Variants in SEZ6L observed in about 807,000 individuals in gnomAD.
The protein encoded by SEZ6L is seizure 6-like protein.
Under a neutral mutation model 106.2 loss-of-function variants are expected in SEZ6L, and 37 were observed. That is an observed-to-expected ratio of 0.35 (90% CI 0.27 to 0.46). The LOEUF (loss-of-function observed/expected upper bound fraction) is 0.46. Ranked by LOEUF, SEZ6L falls within the 20% of genes least tolerant of loss-of-function variation. The probability of loss-of-function intolerance (pLI) is 1.00; values close to 1 mark genes in which losing one functional copy is unlikely to be tolerated. For synonymous variants in SEZ6L, 541 were observed against 570.4 expected, an observed-to-expected ratio of 0.95 and a Z score of 0.73; for missense variants, 1,172 against 1,332.8, an observed-to-expected ratio of 0.88 and a Z score of 1.88.
At chr22:26,323,323 A>C (rs12160777) in intron 9 of SEZ6L, among the ~76,000 whole-genome samples, 4 of 152,338 alleles carry the variant, frequency 2.6e-5, no homozygotes, top group African/African-American at 9.6e-5. Flanking sequence ...GTGCTTGATA[A>C]ATATCTGTTG....
intron 15 of SEZ6L, among the ~76,000 whole-genome samples, chr22:26,377,383 G>A (rs996107360): frequency 1.3e-5 from 2 of 152,164 alleles, no homozygotes; most frequent in African/African-American, 4.8e-5. Context: ...GCATTCAAGA[G>A]GGACTTGAAT....
At position 26,296,131 on chromosome 22, in the gene SEZ6L, C is replaced by T. The variant is rs113575204; in HGVS notation, c.970-757C>T. ...GACTAAATTCTCCCTTACACACACACGCGCACATACCATTTGTTCAGCCTC... is the reference window on the plus strand; with the variant it reads ...GACTAAATTCTCCCTTACACACACATGCGCACATACCATTTGTTCAGCCTC... On this transcript the variant is annotated intron_variant, in intron 3 of 16. Coordinates refer to ENST00000248933, the MANE Select transcript of SEZ6L (RefSeq NM_021115.5). 9.5e-3 allele frequency among the ~76,000 whole-genome samples: 1,454 copies of T among 152,280 alleles called. 17 individuals are homozygous for T. The highest frequency in any genetic ancestry group is 0.06 in the East Asian group (312 of 5,180).
At chr22:26,347,031 GAA>G (rs768017064) in intron 10 of SEZ6L, among the ~76,000 whole-genome samples, 1 of 137,026 alleles carries the variant, frequency 7.3e-6, no homozygotes, top group Non-Finnish European at 1.6e-5. Context: ...CATCTCTACA[GAA>G]AAAAAAAAAA....
At chr22:26,312,972 A>G (rs999901762) in intron 8 of SEZ6L, among the ~76,000 whole-genome samples, 1 of 152,340 alleles carries the variant, frequency 6.6e-6, no homozygotes, top group Admixed American at 6.5e-5. Flanking sequence ...CACCGCCTCA[A>G]TGGCAGTTGG....
At chr22:26,235,184 C>G (rs1480851766) in intron 1 of SEZ6L, among the ~76,000 whole-genome samples, 1 of 152,126 alleles carries the variant, frequency 6.6e-6, no homozygotes, top group Non-Finnish European at 1.5e-5. Flanking sequence ...TGGTTTGGGA[C>G]AGGAGGGTGG....
At chr22:26,201,214 C>T (rs77494677) in intron 1 of SEZ6L, among the ~76,000 whole-genome samples, 3,181 of 152,048 alleles carry the variant, frequency 0.021, 49 homozygotes, top group Non-Finnish European at 0.035. Flanking sequence ...TAAAAGTTAA[C>T]GTAATTGATT....
chr22:26,189,341 CAA>C (rs1428507398), intron 1 of SEZ6L, among the ~76,000 whole-genome samples: 1 of 152,164 alleles, frequency 6.6e-6, no homozygotes, highest in African/African-American at 2.4e-5. Context: ...ACTCTTGAGT[CAA>C]AGACTCTTTC....
At chr22:26,311,110 A>T (rs2044236792) in intron 7 of SEZ6L, among the ~76,000 whole-genome samples, 1 of 152,230 alleles carries the variant, frequency 6.6e-6, no homozygotes, top group Admixed American at 6.5e-5. Flanking sequence ...ACACTGAAAC[A>T]TTAGAACTGT....
chr22:26,241,451 T>C (rs538466307), intron 1 of SEZ6L: 4 of 152,310 alleles, frequency 2.6e-5, no homozygotes, highest in African/African-American at 9.6e-5. Context: ...CACCTTCTTC[T>C]TCTGGGCTTG....
Position 26,267,912 on chromosome 22 carries a change from A to G in SEZ6L, c.95-24494A>G, listed in dbSNP as rs1441037936. Among the ~76,000 whole-genome samples the G allele has an allele frequency of 2.0e-5, 3 of 152,324 alleles. No individual in the cohort carries two copies. In the East Asian group the frequency reaches 5.8e-4, roughly 29 times the overall value. ...CAGGATGTGCTGAAGACCAACAGGA[A>G]GAGGAAGTCTGGCTGCATCTGGACC... On this transcript the variant is annotated intron_variant, in intron 1 of 16. Transcript: ENST00000248933.
chr22:26,258,537 G>A (rs553550018), intron 1 of SEZ6L, among the ~76,000 whole-genome samples: 1 of 152,216 alleles, frequency 6.6e-6, no homozygotes, highest in Non-Finnish European at 1.5e-5. Flanking sequence ...GCACCATGTT[G>A]AGACCTCTTG....
chr22:26,169,732 C>T lies in SEZ6L; in HGVS notation c.63C>T (p.Leu21=), dbSNP rs150514257. The T allele has an allele frequency of 4.7e-3, 5,965 of 1,267,710 alleles. 241 individuals are homozygous for T. The African/African-American group carries it at 0.083, about 18-fold the overall frequency. 78.5% of individuals were successfully genotyped at this position (1,267,710 alleles called of 1,614,324 possible). The change falls in exon 1 of 17, where the codon CTC becomes CTT. Residue 21 remains leucine (L), a synonymous_variant. Coordinates refer to ENST00000248933, the MANE Select transcript of SEZ6L (RefSeq NM_021115.5). Reference sequence around the variant, plus strand: ...GGATCTCGCTGTTCCTCGCTCTGCTCCTGGGGAGCCCGGCGGCAGCGCTGG... The same window carrying T: ...GGATCTCGCTGTTCCTCGCTCTGCTTCTGGGGAGCCCGGCGGCAGCGCTGG... ...LRGISLFLAL[L]LGSPAAALER... is the part of the protein sequence containing the mutation.
intron 1 of SEZ6L, among the ~76,000 whole-genome samples, chr22:26,258,574 A>AT (rs2079899196): frequency 6.6e-6 from 1 of 152,060 alleles, no homozygotes; most frequent in Non-Finnish European, 1.5e-5. Flanking sequence ...CACCTACTAC[A>AT]TTTTTTTCTG....
intron 4 of SEZ6L, among the ~76,000 whole-genome samples, chr22:26,297,336 A>G (rs558578113): frequency 1.3e-5 from 2 of 152,340 alleles, no homozygotes; most frequent in African/African-American, 4.8e-5. Context: ...TTATTAATTC[A>G]TTAAACAATG....
chr22:26,326,826 A>G (rs914741017), intron 9 of SEZ6L, among the ~76,000 whole-genome samples: 1 of 152,206 alleles, frequency 6.6e-6, no homozygotes, highest in Non-Finnish European at 1.5e-5. Context: ...GGGCAGCAGC[A>G]TTGGCTTGGC....
chr22:26,298,605 A>G (rs2081365156), intron 4 of SEZ6L, among the ~76,000 whole-genome samples: 1 of 152,188 alleles, frequency 6.6e-6, no homozygotes. Context: ...TGCATTTTTA[A>G]CAAGCACTCA....
intron 1 of SEZ6L, among the ~76,000 whole-genome samples, chr22:26,184,864 A>G (rs976076717): frequency 2.6e-5 from 4 of 152,190 alleles, no homozygotes; most frequent in African/African-American, 4.8e-5. Context: ...CAGGTGGATC[A>G]CCTGAGGTCA....
chr22:26,169,760 C>G lies in SEZ6L; in HGVS notation c.91C>G (p.Arg31Gly). The G allele has an allele frequency of 2.4e-6, 3 of 1,249,122 alleles. No individual in the cohort carries two copies. Among genetic ancestry groups the G allele is most frequent in the Non-Finnish European group, 3.0e-6 (3 of 996,980 alleles). The allele number at this position is 1,249,122 out of a possible 1,614,324, so 77.4% of individuals were successfully genotyped here. ...GGGGAGCCCGGCGGCAGCGCTGGAG[C>G]GAGGTAAGCGCCCCGAGGGGCGGGG... is the stretch of plus-strand genomic sequence containing the variant. ...LLGSPAAALE[R>G]DALPEGDASP... is the part of the protein sequence containing the mutation. Residue 31 changes from arginine to glycine, a missense_variant, in exon 1 of 17, where the codon CGA (arginine) becomes GGA (glycine). By Grantham distance (125) the Arg-to-Gly change is moderately radical. Around this residue, in one of 4 missense-constraint regions of SEZ6L, gnomAD observed 494 missense variants for 445.8 expected, o/e 1.11. Coordinates refer to ENST00000248933, the MANE Select transcript of SEZ6L (RefSeq NM_021115.5).
intron 5 of SEZ6L, among the ~76,000 whole-genome samples, chr22:26,304,558 G>A (rs1230497298): frequency 6.6e-6 from 1 of 152,148 alleles, no homozygotes; most frequent in African/African-American, 2.4e-5. Flanking sequence ...GAACTGGAAA[G>A]TGTTCTTTCC....
Sources: allele counts gnomAD v4.1 joint callset (sites outside exome capture counted in the v4.1 genomes callset), GRCh38; gene constraint gnomAD v4.1.1; regional missense constraint gnomAD v4.1.1; transcripts MANE v1.5; gene names NCBI Gene and HGNC (gene_info 2026-07-23, HGNC 2026-07-21).